The following COL8A1 variants were observed in gnomAD, a reference collection of about 807,000 sequenced individuals.
COL8A1 encodes collagen alpha-1(VIII) chain.
A neutral mutation model predicts 42.7 loss-of-function variants in COL8A1; 21 were observed. The observed-to-expected ratio is 0.49, with a 90% CI of 0.35 to 0.71. COL8A1 has a LOEUF of 0.71. COL8A1 is among the 30% of genes least tolerant of loss of function. The pLI is 0.01. For synonymous variants in COL8A1, 367 were observed against 369.1 expected, an observed-to-expected ratio of 0.99 and a Z score of 0.06; for missense variants, 788 against 962.4, an observed-to-expected ratio of 0.82 and a Z score of 2.40.
intron 1 of COL8A1, among the ~76,000 whole-genome samples, chr3:99,728,740 T>G (rs1437444648): frequency 1.3e-5 from 2 of 152,046 alleles, no homozygotes; most frequent in African/African-American, 4.8e-5. Flanking sequence ...TGGATCATCA[T>G]GTAAATGTCA....
intron 1 of COL8A1, among the ~76,000 whole-genome samples, chr3:99,725,442 T>C (rs1940281956): frequency 6.6e-6 from 1 of 151,930 alleles, no homozygotes; most frequent in Non-Finnish European, 1.5e-5. Context: ...TACTTTAAGT[T>C]TTAGGGTACA....
At position 99,734,700 on chromosome 3, in the gene COL8A1, G is replaced by A. The variant is rs1235750508; in HGVS notation, c.-128-10197G>A. On this transcript the variant is annotated intron_variant, in intron 1 of 3. Coordinates refer to ENST00000652472, the MANE Select transcript of COL8A1 (RefSeq NM_020351.4). ...AATTCTGTGAAGAAAGGCATTGGTA[G>A]CTTGATGGGGATGGCATTGAATCTG... is the stretch of plus-strand genomic sequence containing the variant. 3.3e-5 allele frequency among the ~76,000 whole-genome samples: 5 copies of A among 152,018 alleles called. No homozygotes were observed. The East Asian group carries it at 9.7e-4, about 29-fold the overall frequency.
intron 1 of COL8A1, among the ~76,000 whole-genome samples, chr3:99,650,640 C>G (rs2107289136): frequency 6.6e-6 from 1 of 152,092 alleles, no homozygotes. Context: ...CACCATGTTG[C>G]CTAAGATAGT....
At chr3:99,658,089 T>C (rs1021709981) in intron 1 of COL8A1, among the ~76,000 whole-genome samples, 1 of 145,686 alleles carries the variant, frequency 6.9e-6, no homozygotes, top group African/African-American at 2.5e-5. Flanking sequence ...ATCGCACCAC[T>C]GCACCCCAGA....
At chr3:99,791,998 G>A (rs1942009200) in intron 3 of COL8A1, among the ~76,000 whole-genome samples, 1 of 152,198 alleles carries the variant, frequency 6.6e-6, no homozygotes, top group Non-Finnish European at 1.5e-5. Flanking sequence ...CAAATCCTCA[G>A]TAAGAACAGA....
At chr3:99,656,062 A>T (rs766449856) in intron 1 of COL8A1, among the ~76,000 whole-genome samples, 10 of 152,230 alleles carry the variant, frequency 6.6e-5, no homozygotes, top group Non-Finnish European at 1.2e-4. Flanking sequence ...TTATAAATTT[A>T]TTGACATATT....
rs367839810 is a variant in COL8A1, at chr3:99,795,813, C to T, written c.1912C>T (p.Leu638=). The T allele has an allele frequency of 1.1e-5, 18 of 1,614,084 alleles. No individual in the cohort carries two copies. The African/African-American group carries it at 2.3e-4, about 20-fold the overall frequency. ...PVGAPVKFNK[L]LYNGRQNYNP... ...GGGGGCCCCAGTGAAGTTTAACAAACTGCTGTATAACGGCAGACAGAACTA... is the reference window on the plus strand; with the variant it reads ...GGGGGCCCCAGTGAAGTTTAACAAATTGCTGTATAACGGCAGACAGAACTA... The change falls in exon 4 of 4, where the codon CTG becomes TTG. Residue 638 remains leucine (L), a synonymous_variant. Transcript: ENST00000652472.
chr3:99,639,283 C>G (rs562964452), intron 1 of COL8A1, among the ~76,000 whole-genome samples: 33 of 152,296 alleles, frequency 2.2e-4, no homozygotes, highest in Admixed American at 1.8e-3. Flanking sequence ...AATGTGCTCT[C>G]TCACCAGGCT....
intron 1 of COL8A1, among the ~76,000 whole-genome samples, chr3:99,725,283 G>A (rs34906671): frequency 0.18 from 28,046 of 151,850 alleles, 2,736 homozygotes; most frequent in African/African-American, 0.23. Context: ...CCATAAGAAA[G>A]TTCTTCTCTT....
At chr3:99,670,945 G>GGTGT (rs57998251) in intron 1 of COL8A1, among the ~76,000 whole-genome samples, 5 of 149,374 alleles carry the variant, frequency 3.3e-5, no homozygotes, top group Non-Finnish European at 7.5e-5. Flanking sequence ...GCTCATCCGG[G>GGTGT]GTGTGTGTGT....
intron 1 of COL8A1, among the ~76,000 whole-genome samples, chr3:99,651,078 T>C (rs1479978309): frequency 6.6e-6 from 1 of 152,152 alleles, no homozygotes; most frequent in East Asian, 1.9e-4. Flanking sequence ...GTTTGCCTCC[T>C]TTTTTTCCTT....
At chr3:99,668,993 T>A (rs1938447447) in intron 1 of COL8A1, among the ~76,000 whole-genome samples, 1 of 151,680 alleles carries the variant, frequency 6.6e-6, no homozygotes, top group Admixed American at 6.6e-5. Flanking sequence ...AACTGGATCC[T>A]CTGCTTCAGG....
intron 1 of COL8A1, among the ~76,000 whole-genome samples, chr3:99,687,495 T>G (rs1257993401): frequency 6.6e-6 from 1 of 152,148 alleles, no homozygotes; most frequent in Admixed American, 6.5e-5. Flanking sequence ...TTGCACTCCA[T>G]GCGATGAGGT....
At position 99,795,387 on chromosome 3, in the gene COL8A1, C is replaced by T. The variant is rs772729370; in HGVS notation, c.1486C>T (p.Pro496Ser). The T allele has an allele frequency of 2.6e-6, 4 of 1,563,912 alleles. No individual in the cohort carries two copies. The highest frequency in any genetic ancestry group is 1.2e-5 in the South Asian group (1 of 85,522). Reference sequence around the variant, plus strand: ...CCCAGGGGATCAGGGTTTACAGGGCCCCCCAGGTATCCCAGGGATTGGGGG... The same window carrying T: ...CCCAGGGGATCAGGGTTTACAGGGCTCCCCAGGTATCCCAGGGATTGGGGG... ...GIPGDQGLQGPPGIPGIGGPS... is the reference protein window; with the variant it reads ...GIPGDQGLQGSPGIPGIGGPS... The change falls in exon 4 of 4, where the codon CCC becomes TCC. Residue 496 changes from proline (P) to serine (S), a missense_variant. By Grantham distance (74) the Pro-to-Ser change is moderately conservative (BLOSUM62 -1). This residue lies in a region of COL8A1 where 154 missense variants were observed against 182.3 expected (regional missense o/e 0.84). Transcript: ENST00000652472.
intron 1 of COL8A1, among the ~76,000 whole-genome samples, chr3:99,646,477 T>G (rs574153150): frequency 1.3e-5 from 2 of 152,306 alleles, no homozygotes; most frequent in South Asian, 4.1e-4. Flanking sequence ...AGAACAATTT[T>G]TAAATAACTA....
chr3:99,766,888 G>T (rs1941474119), intron 2 of COL8A1, among the ~76,000 whole-genome samples: 1 of 151,904 alleles, frequency 6.6e-6, no homozygotes, highest in Non-Finnish European at 1.5e-5. Flanking sequence ...GGCAGAGGTT[G>T]CAGTGAGCCA....
Position 99,708,415 on chromosome 3 carries a change from A to G in COL8A1, c.-128-36482A>G, listed in dbSNP as rs1190110326. 4.0e-5 allele frequency among the ~76,000 whole-genome samples: 6 copies of G among 151,240 alleles called. No homozygotes were observed. The East Asian group carries it at 1.2e-3, about 29-fold the overall frequency. ...TCTCCATTCCTCTTTGCTCCACATC[A>G]AAAGCTAAGACACTCACTTCTCTAA... is the stretch of plus-strand genomic sequence containing the variant. On this transcript the variant is annotated intron_variant, in intron 1 of 3. Coordinates refer to ENST00000652472, the MANE Select transcript of COL8A1 (RefSeq NM_020351.4).
intron 2 of COL8A1, among the ~76,000 whole-genome samples, chr3:99,773,796 G>T (rs1427740451): frequency 2.1e-5 from 2 of 93,772 alleles, no homozygotes; most frequent in Non-Finnish European, 4.1e-5. Context: ...TGGGTAAGTA[G>T]ATGATTATAT....
At chr3:99,754,662 TC>T (rs2107417323) in intron 2 of COL8A1, among the ~76,000 whole-genome samples, 1 of 152,192 alleles carries the variant, frequency 6.6e-6, no homozygotes, top group Non-Finnish European at 1.5e-5. Flanking sequence ...CTCCCAAGGG[TC>T]CTCACCAAAG....
Sources: gnomAD v4.1 joint callset for allele counts (sites outside exome capture counted in the v4.1 genomes callset) on GRCh38, gnomAD v4.1.1 for gene constraint, gnomAD v4.1.1 regional missense constraint, MANE v1.5 for transcripts, NCBI Gene and HGNC (gene_info 2026-07-23, HGNC 2026-07-21) for gene names.